EIF2AK1: variants seen among roughly 807,000 people sequenced by gnomAD.
EIF2AK1 encodes the protein eukaryotic translation initiation factor 2 alpha kinase 1.
A neutral mutation model predicts 77.9 loss-of-function variants in EIF2AK1; 54 were observed. The ratio of observed to expected loss-of-function variants is 0.69; its 90% CI spans 0.56 to 0.87. The LOEUF (loss-of-function observed/expected upper bound fraction) is 0.87. Ranked by LOEUF, EIF2AK1 falls within the 40% of genes least tolerant of loss-of-function variation. EIF2AK1 has a pLI of 0.00. For missense variants in EIF2AK1, 810 were observed against 768.6 expected, an observed-to-expected ratio of 1.05 and a Z score of -0.64; for synonymous variants, 314 against 290.5, an observed-to-expected ratio of 1.08 and a Z score of -0.82.
At position 6,048,848 on chromosome 7, in the gene EIF2AK1, C is replaced by T; in HGVS notation, c.412-4G>A. On this transcript the variant is annotated splice_polypyrimidine_tract_variant and splice_region_variant and intron_variant, in intron 3 of 14. Coordinates refer to ENST00000199389, the MANE Select transcript of EIF2AK1 (RefSeq NM_014413.4). ...GAGAAATATCCTCACAAGGATCCTA[C>T]AATTAAAAAATTGTTTTTAAAAAGC... 1 of 1,574,896 alleles carries T rather than the reference C, an allele frequency of 6.3e-7. No individual in the cohort carries two copies. The highest frequency in any genetic ancestry group is 1.2e-5 in the South Asian group (1 of 82,094).
rs1787502992 is a variant in EIF2AK1 at position 6,022,548 on chromosome 7, G to A, written c.*2125C>T. ...CATTCTGTGGCATACTGGCCACATA[G>A]CGATTTGCATCAGGTCAGATATTCT... On this transcript the variant is annotated 3_prime_UTR_variant, in exon 15 of 15. Coordinates refer to ENST00000199389, the MANE Select transcript of EIF2AK1 (RefSeq NM_014413.4). 1 of 152,250 alleles carries A rather than the reference G, an allele frequency of 6.6e-6. No homozygotes were observed. The highest frequency in any genetic ancestry group is 1.5e-5 in the Non-Finnish European group (1 of 68,068). The allele number at this position is 152,250 out of a possible 1,614,324, so 9.4% of individuals were successfully genotyped here.
chr7:6,055,273 G>A (rs1788716682), intron 1 of EIF2AK1, among the ~76,000 whole-genome samples: 1 of 140,194 alleles, frequency 7.1e-6, no homozygotes, highest in South Asian at 2.2e-4. Context: ...AACCTGGGAG[G>A]CAGAAGTTGC....
intron 10 of EIF2AK1, 120 bp from the exon 11 acceptor site, chr7:6,037,644 C>A: frequency 1.5e-6 from 1 of 679,964 alleles, no homozygotes; most frequent in Non-Finnish European, 2.5e-6. Context: ...TCTAGATTTT[C>A]AACAAAGTCA....
intron 4 of EIF2AK1, 98 bp from the exon 5 acceptor site, chr7:6,047,189 A>C: frequency 1.9e-4 from 228 of 1,184,818 alleles, no homozygotes; most frequent in Non-Finnish European, 2.6e-4. Context: ...CACAAACCTC[A>C]TGTATCACTA....
Position 6,036,745 on chromosome 7 carries a change from A to G in EIF2AK1, c.1332+679T>C, listed in dbSNP as rs1052137825. ...TTCTAAAACAGCAAAAAAACTTCCGATTTTGTTAAACTTTAAGATGAATAA... is the reference window on the plus strand; with the variant it reads ...TTCTAAAACAGCAAAAAAACTTCCGGTTTTGTTAAACTTTAAGATGAATAA... On this transcript the variant is annotated intron_variant, in intron 11 of 14. Coordinates refer to ENST00000199389, the MANE Select transcript of EIF2AK1 (RefSeq NM_014413.4). This position sits in a 1 kb window ranked among gnomAD's most constrained non-coding sequence, Gnocchi z 4.6. Among the ~76,000 whole-genome samples the G allele has an allele frequency of 1.1e-4, 16 of 152,136 alleles. No individual in the cohort carries two copies. Among genetic ancestry groups the G allele is most frequent in the African/African-American group, 3.9e-4 (16 of 41,414 alleles).
chr7:6,027,144 GGGGCATCCGT>G lies in EIF2AK1; in HGVS notation c.1531-193_1531-184del, dbSNP rs1787770480. Among the ~76,000 whole-genome samples, 1 of 152,166 alleles carries G rather than the reference GGGGCATCCGT, an allele frequency of 6.6e-6. No homozygotes were observed. The highest frequency in any genetic ancestry group is 6.5e-5 in the Admixed American group (1 of 15,268). On this transcript the variant is annotated intron_variant, in intron 13 of 14. Transcript: ENST00000199389. The surrounding 1 kb of genome is among the most constrained non-coding windows in gnomAD (Gnocchi z 4.5). The stretch of plus-strand genomic sequence containing the variant: ...ACAGGGACTTTCACAACCTCAAAAA[GGGGCATCCGT>G]GGGCACGCAGAATGGATGGTCAGGT...
intron 13 of EIF2AK1, chr7:6,028,164 G>C (rs1787804454): frequency 9.2e-6 from 3 of 325,886 alleles, no homozygotes; most frequent in Non-Finnish European, 1.8e-5. Flanking sequence ...TTTCTTCTTA[G>C]GACAGTTTGA....
chr7:6,057,788 C>T (rs1361291868), intron 1 of EIF2AK1, among the ~76,000 whole-genome samples: 2 of 151,970 alleles, frequency 1.3e-5, no homozygotes, highest in South Asian at 2.1e-4. Context: ...ACCGCCACCA[C>T]GCCCAGCTAA....
intron 11 of EIF2AK1, 108 bp from the exon 12 acceptor site, chr7:6,029,140 A>G (rs1787829799): frequency 1.1e-6 from 1 of 919,962 alleles, no homozygotes; most frequent in African/African-American, 1.7e-5. Flanking sequence ...GCCCCTCAAA[A>G]GTTAAATATT....
chr7:6,048,753 A>G, intron 4 of EIF2AK1, 54 bp downstream of exon 4: 1 of 1,362,096 alleles, frequency 7.3e-7, no homozygotes, highest in Non-Finnish European at 1.0e-6. Flanking sequence ...GTATTTTCTT[A>G]ATTTTGATTT....
intron 11 of EIF2AK1, among the ~76,000 whole-genome samples, chr7:6,029,888 C>T (rs1047847901): frequency 6.6e-6 from 1 of 151,592 alleles, no homozygotes; most frequent in Non-Finnish European, 1.5e-5. Flanking sequence ...GAGGCTGAGG[C>T]AGAATTGCTT....
intron 1 of EIF2AK1, among the ~76,000 whole-genome samples, chr7:6,055,390 GAT>G: frequency 7.0e-6 from 1 of 142,344 alleles, no homozygotes; most frequent in Middle Eastern, 3.7e-3. Context: ...CAGAGGGAAA[GAT>G]AGGAAAAATG....
intron 4 of EIF2AK1, among the ~76,000 whole-genome samples, chr7:6,048,423 T>G (rs1449874952): frequency 6.6e-6 from 1 of 152,234 alleles, no homozygotes; most frequent in Admixed American, 6.5e-5. Flanking sequence ...TTCCTTTTAA[T>G]AGCTGAATAA....
Position 6,024,670 on chromosome 7 carries a change from C to G in EIF2AK1, c.*3G>C. On this transcript the variant is annotated 3_prime_UTR_variant, in exon 15 of 15. Coordinates refer to ENST00000199389, the MANE Select transcript of EIF2AK1 (RefSeq NM_014413.4). ...TTAACTACCTTAAAAGTTAAGTCCA[C>G]TTTCATCCCACGCCCCCATCCTTTC... 1 of 1,613,958 alleles carries G rather than the reference C, an allele frequency of 6.2e-7. No homozygotes were observed. Among genetic ancestry groups the G allele is most frequent in the Non-Finnish European group, 8.5e-7 (1 of 1,179,982 alleles).
chr7:6,054,483 C>A (rs766304618), intron 2 of EIF2AK1, 63 bp downstream of exon 2: 16 of 1,584,400 alleles, frequency 1.0e-5, no homozygotes, highest in Non-Finnish European at 1.2e-5. Flanking sequence ...GGATTACAGG[C>A]ATGAACCACG....
chr7:6,031,237 C>A, intron 11 of EIF2AK1: 1 of 814,700 alleles, frequency 1.2e-6, no homozygotes, highest in Non-Finnish European at 1.9e-6. Flanking sequence ...TGGTTCCAAA[C>A]TGATGGATTG....
intron 9 of EIF2AK1, among the ~76,000 whole-genome samples, chr7:6,040,134 A>T (rs1388989380): frequency 1.3e-5 from 2 of 151,514 alleles, no homozygotes; most frequent in African/African-American, 4.8e-5. Flanking sequence ...AGGCTGGAGT[A>T]CGGTGCCTCC....
chr7:6,054,502 C>G (rs1214564996), intron 2 of EIF2AK1, 44 bp downstream of exon 2: 1 of 1,607,132 alleles, frequency 6.2e-7, no homozygotes. Context: ...CGGAGCCCAG[C>G]CTTTACAAGC....
intron 2 of EIF2AK1, among the ~76,000 whole-genome samples, 167 bp downstream of exon 2, chr7:6,054,378 AT>A (rs982552359): frequency 1.3e-5 from 2 of 151,722 alleles, no homozygotes; most frequent in African/African-American, 4.8e-5. Flanking sequence ...TAATTTCCAT[AT>A]TTTGAGTAAA....
Sources: allele counts gnomAD v4.1 joint callset (sites outside exome capture counted in the v4.1 genomes callset), GRCh38; gene constraint gnomAD v4.1.1; non-coding constraint Gnocchi (gnomAD v3.1); transcripts MANE v1.5; gene names NCBI Gene and HGNC (gene_info 2026-07-23, HGNC 2026-07-21).